AFAP1: variants seen among roughly 807,000 people sequenced by gnomAD.
AFAP1 encodes the protein actin filament associated protein 1.
A neutral mutation model predicts 93.9 loss-of-function variants in AFAP1; 75 were observed. The ratio of observed to expected loss-of-function variants is 0.80; its 90% CI spans 0.66 to 0.97. AFAP1 has a LOEUF of 0.97. Ranked by LOEUF, AFAP1 falls within the 50% of genes least tolerant of loss-of-function variation. AFAP1 has a pLI of 0.00. For missense variants in AFAP1, 1,201 were observed against 1,050.8 expected, an observed-to-expected ratio of 1.14 and a Z score of -1.98; for synonymous variants, 517 against 430.7, an observed-to-expected ratio of 1.20 and a Z score of -2.48.
At chr4:7,936,024 C>T (rs1381130689) in intron 1 of AFAP1, among the ~76,000 whole-genome samples, 6 of 152,162 alleles carry the variant, frequency 3.9e-5, no homozygotes, top group Non-Finnish European at 7.3e-5. Flanking sequence ...AGATCACATT[C>T]CCCAAAAGAA....
chr4:7,882,605 C>T (rs1322923026), intron 1 of AFAP1, among the ~76,000 whole-genome samples: 2 of 152,128 alleles, frequency 1.3e-5, no homozygotes, highest in African/African-American at 4.8e-5. Context: ...TCACACCTGT[C>T]ATCTCAGCAC....
chr4:7,799,623 A>G (rs4689864), intron 10 of AFAP1, among the ~76,000 whole-genome samples: 96,936 of 152,126 alleles, frequency 0.64, 33,228 homozygotes, highest in African/African-American at 0.88. Context: ...GTGAATGCAC[A>G]GATCTGTCTG....
At chr4:7,917,530 A>C (rs893719141) in intron 1 of AFAP1, among the ~76,000 whole-genome samples, 21 of 152,160 alleles carry the variant, frequency 1.4e-4, no homozygotes, top group African/African-American at 5.1e-4. Flanking sequence ...AGTTTTTGAA[A>C]GGAATTTATT....
chr4:7,797,069 A>AATT (rs916709892), intron 10 of AFAP1, among the ~76,000 whole-genome samples: 3 of 42,196 alleles, frequency 7.1e-5, no homozygotes, highest in South Asian at 6.0e-4. Context: ...CAAAAATAAT[A>AATT]ATTAATAATA....
chr4:7,928,397 G>GTT (rs113373533), intron 1 of AFAP1, among the ~76,000 whole-genome samples: 128 of 151,740 alleles, frequency 8.4e-4, no homozygotes, highest in African/African-American at 2.9e-3. Flanking sequence ...TGTTTTTTTG[G>GTT]TTTTTTTTGA....
At chr4:7,888,711 G>GA (rs1285071802) in intron 1 of AFAP1, among the ~76,000 whole-genome samples, 4 of 151,880 alleles carry the variant, frequency 2.6e-5, no homozygotes, top group South Asian at 2.1e-4. Context: ...AAATAACTCA[G>GA]AAAAAAGACA....
intron 1 of AFAP1, among the ~76,000 whole-genome samples, chr4:7,903,679 AAAAAAAT>A (rs1719243194): frequency 6.6e-6 from 1 of 152,252 alleles, no homozygotes; most frequent in South Asian, 2.1e-4. Context: ...ACTGTGTCTC[AAAAAAAT>A]AAAAAATAAA....
intron 6 of AFAP1, among the ~76,000 whole-genome samples, chr4:7,825,196 G>T (rs1721315412): frequency 6.6e-6 from 1 of 152,116 alleles, no homozygotes; most frequent in Admixed American, 6.5e-5. Flanking sequence ...ACGGGAAAGG[G>T]TTTATTGCCC....
At chr4:7,841,101 GGAAGCCGC>G (rs1712957091) in intron 5 of AFAP1, among the ~76,000 whole-genome samples, 1 of 152,220 alleles carries the variant, frequency 6.6e-6, no homozygotes, top group Admixed American at 6.5e-5. Context: ...GGATTTCCTG[GGAAGCCGC>G]CTCTATAGCA....
intron 1 of AFAP1, among the ~76,000 whole-genome samples, chr4:7,936,831 T>C (rs1360080459): frequency 6.6e-6 from 1 of 152,200 alleles, no homozygotes; most frequent in African/African-American, 2.4e-5. Flanking sequence ...TCTGCCTGCC[T>C]CGGCCTCCCA....
At chr4:7,834,455 C>T (rs143647928) in intron 6 of AFAP1, among the ~76,000 whole-genome samples, 121 of 152,296 alleles carry the variant, frequency 7.9e-4, no homozygotes, top group African/African-American at 2.7e-3. Flanking sequence ...CGAATCAACA[C>T]TAAAGAACTT....
chr4:7,794,789 G>C (rs528357515), intron 10 of AFAP1, among the ~76,000 whole-genome samples: 1 of 152,260 alleles, frequency 6.6e-6, no homozygotes, highest in South Asian at 2.1e-4. Flanking sequence ...CCCTCCCAAA[G>C]TGCTAGGATT....
rs1470279150 is a variant in AFAP1 at position 7,781,390 on chromosome 4, C to T, written c.1768G>A (p.Gly590Arg). 1.8e-5 allele frequency: 28 copies of T among 1,551,434 alleles called. No individual in the cohort carries two copies. The highest frequency in any genetic ancestry group is 3.9e-5 in the Admixed American group (2 of 50,968). The stretch of plus-strand genomic sequence containing the variant: ...AGATGCCGTACCTGCGAGTTGAGCC[C>T]GAGAGACGCCCTCCCCACAGAAGAG... The part of the protein sequence containing the change: ...NTSSVGRASL[G>R]LNSQLKGKKP... The change falls in exon 13 of 18, where the codon GGG (glycine) becomes AGG (arginine). Residue 590 changes from glycine to arginine, a missense_variant. Coordinates refer to ENST00000420658, the MANE Select transcript of AFAP1 (RefSeq NM_001134647.2).
At chr4:7,804,489 T>C (rs944401063) in intron 9 of AFAP1, among the ~76,000 whole-genome samples, 2 of 152,280 alleles carry the variant, frequency 1.3e-5, no homozygotes, top group East Asian at 1.9e-4. Context: ...ATGCTAGAAA[T>C]AGAAAACTAA....
intron 6 of AFAP1, among the ~76,000 whole-genome samples, chr4:7,831,459 T>C (rs1370086688): frequency 6.6e-6 from 1 of 152,136 alleles, no homozygotes; most frequent in Non-Finnish European, 1.5e-5. Context: ...ATTCTATAAT[T>C]AGCTAAGTGC....
At chr4:7,894,970 G>A (rs912947156) in intron 1 of AFAP1, among the ~76,000 whole-genome samples, 6 of 152,220 alleles carry the variant, frequency 3.9e-5, no homozygotes, top group African/African-American at 1.2e-4. Context: ...CTATGCATGT[G>A]GGTACAGACG....
At chr4:7,768,564 G>C (rs981802891) in intron 17 of AFAP1, among the ~76,000 whole-genome samples, 2 of 152,114 alleles carry the variant, frequency 1.3e-5, no homozygotes, top group Non-Finnish European at 2.9e-5. Context: ...AGGAGCCCAG[G>C]GCTTGCCTGC....
intron 9 of AFAP1, among the ~76,000 whole-genome samples, chr4:7,807,417 C>T (rs534926806): frequency 2.6e-5 from 4 of 152,316 alleles, no homozygotes; most frequent in Non-Finnish European, 4.4e-5. Context: ...ATTCACCCTC[C>T]CCATTCCGTG....
intron 1 of AFAP1, among the ~76,000 whole-genome samples, chr4:7,937,738 C>T (rs1040686327): frequency 5.3e-5 from 8 of 152,146 alleles, no homozygotes; most frequent in Admixed American, 5.2e-4. Flanking sequence ...CCGCCTGCCT[C>T]GACCTCCCAA....
Sources: allele counts gnomAD v4.1 joint callset (sites outside exome capture counted in the v4.1 genomes callset), GRCh38; gene constraint gnomAD v4.1.1; transcripts MANE v1.5; gene names NCBI Gene and HGNC (gene_info 2026-07-23, HGNC 2026-07-21).